The following SLIT3 variants were observed in gnomAD, a reference collection of about 807,000 sequenced individuals.
SLIT3 encodes the protein slit guidance ligand 3.
A neutral mutation model predicts 184.0 loss-of-function variants in SLIT3; 68 were observed. That is an observed-to-expected ratio of 0.37 (90% CI 0.30 to 0.45). The LOEUF (loss-of-function observed/expected upper bound fraction) is 0.45, where lower values mean the gene tolerates loss of function less well. Ranked by LOEUF, SLIT3 falls within the 20% of genes least tolerant of loss-of-function variation. The probability of loss-of-function intolerance (pLI) is 1.00; values close to 1 mark genes in which losing one functional copy is unlikely to be tolerated. For missense variants in SLIT3, 1,707 were observed against 2,026.0 expected, an observed-to-expected ratio of 0.84 and a Z score of 3.02; for synonymous variants, 831 against 828.6, an observed-to-expected ratio of 1.00 and a Z score of -0.05.
chr5:168,736,161 C>T (rs1763429967), intron 20 of SLIT3, among the ~76,000 whole-genome samples: 1 of 152,148 alleles, frequency 6.6e-6, no homozygotes, highest in South Asian at 2.1e-4. Flanking sequence ...GCCACTGTAC[C>T]TTCAGCTGCT....
Position 168,938,264 on chromosome 5 carries a change from GC to G in SLIT3, c.414-54929del, listed in dbSNP as rs1173577968. Among the ~76,000 whole-genome samples, 10 of 152,280 alleles carry G rather than the reference GC, an allele frequency of 6.6e-5. No individual in the cohort carries two copies. In the South Asian group the frequency reaches 2.1e-3, roughly 32 times the overall value. On this transcript the variant is annotated intron_variant, in intron 4 of 35. Coordinates refer to ENST00000519560, the MANE Select transcript of SLIT3 (RefSeq NM_003062.4). ...CATCCATCCCCACCAAAAAAATCCT[GC>G]CAGCATTTAGGTGCTATTCTATGGA...
At chr5:168,729,943 A>C in intron 20 of SLIT3, among the ~76,000 whole-genome samples, 1 of 152,148 alleles carries the variant, frequency 6.6e-6, no homozygotes, top group East Asian at 1.9e-4. Context: ...ATGGATAAAG[A>C]AACATGATCC....
At chr5:169,116,991 T>C (rs995759928) in intron 4 of SLIT3, among the ~76,000 whole-genome samples, 1 of 152,136 alleles carries the variant, frequency 6.6e-6, no homozygotes, top group Admixed American at 6.5e-5. Flanking sequence ...TCATCCCTCA[T>C]TCACTCCCAC....
In SLIT3 at chr5:169,254,381, C is replaced by A. The variant is rs537078675; in HGVS notation, c.198-2922G>T. ...ATGTCAGCCTGGGATGGGTTCTGAA[C>A]TGTCAGCAGGAGGGGTGATCCTGGA... On this transcript the variant is annotated intron_variant, in intron 1 of 35. Transcript: ENST00000519560. Among the ~76,000 whole-genome samples, 8 of 152,244 alleles carry A rather than the reference C, an allele frequency of 5.3e-5. No homozygotes were observed. In the South Asian group the frequency reaches 1.7e-3, roughly 32 times the overall value.
chr5:169,285,369 G>A (rs1001296478), intron 1 of SLIT3, among the ~76,000 whole-genome samples: 2 of 152,164 alleles, frequency 1.3e-5, no homozygotes, highest in African/African-American at 4.8e-5. Flanking sequence ...ATAGAGAAAT[G>A]CCAGCTCCTG....
intron 11 of SLIT3, among the ~76,000 whole-genome samples, chr5:168,789,341 C>T (rs113428375): frequency 0.066 from 10,006 of 152,082 alleles, 1,089 homozygotes; most frequent in African/African-American, 0.23. Flanking sequence ...GGAAAGCTGC[C>T]AGGCGCTTAA....
Position 169,143,142 on chromosome 5 carries a change from G to T in SLIT3, c.413+50337C>A, listed in dbSNP as rs181392007. Among the ~76,000 whole-genome samples the T allele has an allele frequency of 1.3e-3, 191 of 152,342 alleles. 2 individuals carry two copies. The highest frequency in any genetic ancestry group is 3.4e-3 in the Admixed American group (52 of 15,298). On this transcript the variant is annotated intron_variant, in intron 4 of 35. Transcript: ENST00000519560. ...TATTAATACTATCTTCAGCTGAAAA[G>T]CAGATTATGAAACATTTAGCAAGTA...
At chr5:169,109,321 C>T (rs549079571) in intron 4 of SLIT3, among the ~76,000 whole-genome samples, 1 of 152,090 alleles carries the variant, frequency 6.6e-6, no homozygotes, top group East Asian at 1.9e-4. Flanking sequence ...TCACCAACAG[C>T]CAGCAAAAAG....
intron 4 of SLIT3, among the ~76,000 whole-genome samples, chr5:169,083,717 C>T (rs1314471695): frequency 2.0e-5 from 3 of 152,168 alleles, no homozygotes; most frequent in Non-Finnish European, 4.4e-5. Flanking sequence ...GCACACAGCA[C>T]GGCTCACAGC....
intron 6 of SLIT3, among the ~76,000 whole-genome samples, chr5:168,837,186 C>T (rs1393765386): frequency 6.6e-6 from 1 of 152,044 alleles, no homozygotes; most frequent in Non-Finnish European, 1.5e-5. Context: ...CAATTTTAAT[C>T]CTGATTGCAT....
chr5:168,790,391 C>T (rs888116849), intron 10 of SLIT3: 1 of 152,254 alleles, frequency 6.6e-6, no homozygotes, highest in Non-Finnish European at 1.5e-5. Flanking sequence ...GGGCAGCTAA[C>T]CAGGCTTTGC....
At chr5:169,200,565 G>A (rs954088787) in intron 3 of SLIT3, among the ~76,000 whole-genome samples, 13 of 152,076 alleles carry the variant, frequency 8.5e-5, no homozygotes, top group Non-Finnish European at 1.5e-4. Context: ...TACAGACTCC[G>A]GGCAAGGGCA....
At chr5:168,842,901 C>T (rs182461398) in intron 6 of SLIT3, among the ~76,000 whole-genome samples, 8 of 152,260 alleles carry the variant, frequency 5.3e-5, no homozygotes, top group Non-Finnish European at 8.8e-5. Context: ...AGGTGATGTG[C>T]TGTGAGCAGC....
chr5:168,772,691 G>A, intron 14 of SLIT3, 90 bp downstream of exon 14: 1 of 1,438,410 alleles, frequency 7.0e-7, no homozygotes, highest in Non-Finnish European at 9.7e-7. Context: ...CCATTACAGT[G>A]CTCGCTGTCC....
At chr5:168,788,690 G>A (rs1233424231) in intron 11 of SLIT3, among the ~76,000 whole-genome samples, 1 of 150,908 alleles carries the variant, frequency 6.6e-6, no homozygotes, top group Non-Finnish European at 1.5e-5. Flanking sequence ...TGTCTCGGTG[G>A]AGCTTAGATT....
In SLIT3 at chr5:168,670,393, G is replaced by A. The variant is rs559820283; in HGVS notation, c.4128-402C>T. On this transcript the variant is annotated intron_variant, in intron 34 of 35. Coordinates refer to ENST00000519560, the MANE Select transcript of SLIT3 (RefSeq NM_003062.4). The stretch of plus-strand genomic sequence containing the variant: ...CCACTGGCTATGTACCAGGAATTGT[G>A]TTAAGTGCTTTACACCCAGTATTGC... Among the ~76,000 whole-genome samples, 6 of 152,336 alleles carry A rather than the reference G, an allele frequency of 3.9e-5. No individual in the cohort carries two copies. In the East Asian group the frequency reaches 1.2e-3, roughly 29 times the overall value.
At chr5:169,144,213 G>A (rs769602763) in intron 4 of SLIT3, among the ~76,000 whole-genome samples, 8 of 152,130 alleles carry the variant, frequency 5.3e-5, no homozygotes, top group Non-Finnish European at 1.2e-4. Context: ...GGTCACACTC[G>A]TTCCTGTCTT....
chr5:168,806,795 G>A (rs1228951673), intron 8 of SLIT3, among the ~76,000 whole-genome samples: 1 of 152,162 alleles, frequency 6.6e-6, no homozygotes, highest in African/African-American at 2.4e-5. Flanking sequence ...TGACCTCACT[G>A]TTTGAGTTGC....
At chr5:168,788,319 G>A (rs1756233714) in intron 11 of SLIT3, among the ~76,000 whole-genome samples, 1 of 152,140 alleles carries the variant, frequency 6.6e-6, no homozygotes, top group African/African-American at 2.4e-5. Context: ...TACTCTGCAA[G>A]CAGCAGGCAA....
Sources: gnomAD v4.1 joint callset for allele counts (sites outside exome capture counted in the v4.1 genomes callset) on GRCh38, gnomAD v4.1.1 for gene constraint, MANE v1.5 for transcripts, NCBI Gene and HGNC (gene_info 2026-07-23, HGNC 2026-07-21) for gene names.